The following SLC12A8 variants were observed in gnomAD, a reference collection of about 807,000 sequenced individuals.
SLC12A8 encodes solute carrier family 12 member 8, also known as cation-chloride cotransporter 9.
A neutral mutation model predicts 75.6 loss-of-function variants in SLC12A8; 69 were observed. The ratio of observed to expected loss-of-function variants is 0.91; its 90% confidence interval spans 0.75 to 1.11. The LOEUF is 1.11. SLC12A8 is among the 50% of genes most tolerant of loss of function. The pLI is 0.00. For synonymous variants in SLC12A8, 365 were observed against 372.8 expected (o/e 0.98, Z 0.24); for missense variants, 877 against 896.7 (o/e 0.98, Z 0.28).
chr3:125,138,810 C>T (rs1465946433), intron 5 of SLC12A8, among the ~76,000 whole-genome samples: 1 of 150,876 alleles, frequency 6.6e-6, no homozygotes, highest in Non-Finnish European at 1.5e-5. Flanking sequence ...GTGTTTTAGA[C>T]CAGCCTGGGC....
At chr3:125,110,977 C>A (rs566800310) in intron 8 of SLC12A8, among the ~76,000 whole-genome samples, 1 of 152,192 alleles carries the variant, frequency 6.6e-6, no homozygotes, top group East Asian at 1.9e-4. Context: ...TCTGTTCACA[C>A]GCCCTAATCT....
chr3:125,129,898 C>T (rs1933310387), intron 6 of SLC12A8, among the ~76,000 whole-genome samples: 1 of 152,202 alleles, frequency 6.6e-6, no homozygotes, highest in African/African-American at 2.4e-5. Flanking sequence ...GGCAGCTCTC[C>T]ACAGCAGGGT....
At chr3:125,124,259 G>A (rs1933138720) in intron 6 of SLC12A8, among the ~76,000 whole-genome samples, 1 of 152,218 alleles carries the variant, frequency 6.6e-6, no homozygotes, top group Admixed American at 6.5e-5. Context: ...AGTCTCACGG[G>A]TGATTCCTGC....
chr3:125,178,061 C>A, intron 4 of SLC12A8, 87 bp from the exon 5 acceptor site: 3 of 1,096,076 alleles, frequency 2.7e-6, no homozygotes, highest in Non-Finnish European at 4.1e-6. Flanking sequence ...GAACCCTGCA[C>A]CCCCATCGGA....
intron 5 of SLC12A8, among the ~76,000 whole-genome samples, chr3:125,170,317 A>C (rs529857548): frequency 6.6e-6 from 1 of 152,362 alleles, no homozygotes; most frequent in East Asian, 1.9e-4. Flanking sequence ...AATTAGCTCA[A>C]ACTTTTGTGC....
chr3:125,124,624 C>T (rs1933151157), intron 6 of SLC12A8, among the ~76,000 whole-genome samples: 2 of 152,178 alleles, frequency 1.3e-5, no homozygotes, highest in Admixed American at 6.5e-5. Context: ...CCGTGCCTGG[C>T]CTGCACATTT....
At chr3:125,179,076 T>G (rs1455190724) in intron 4 of SLC12A8, among the ~76,000 whole-genome samples, 1 of 152,190 alleles carries the variant, frequency 6.6e-6, no homozygotes, top group Non-Finnish European at 1.5e-5. Context: ...TGTCCTTCAC[T>G]GCCCCCAGGG....
At chr3:125,196,341 C>T (rs1203161152) in intron 2 of SLC12A8, among the ~76,000 whole-genome samples, 3 of 152,182 alleles carry the variant, frequency 2.0e-5, no homozygotes, top group Non-Finnish European at 2.9e-5. Context: ...ACAAAAATAA[C>T]TGCAATTAAT....
chr3:125,137,683 C>T (rs920292192), intron 5 of SLC12A8, among the ~76,000 whole-genome samples: 12 of 152,356 alleles, frequency 7.9e-5, no homozygotes, highest in African/African-American at 2.9e-4. Context: ...AATATTTGGT[C>T]ACTGGGCCTG....
At chr3:125,104,180 A>C (rs756223799) in intron 10 of SLC12A8, among the ~76,000 whole-genome samples, 1 of 152,054 alleles carries the variant, frequency 6.6e-6, no homozygotes, top group South Asian at 2.1e-4. Context: ...ATCATAGCTC[A>C]TTGTAACTTT....
chr3:125,088,116 G>C (rs1385895367), intron 13 of SLC12A8, 194 bp downstream of exon 13: 2 of 589,744 alleles, frequency 3.4e-6, no homozygotes, highest in Non-Finnish European at 6.2e-6. Context: ...GGAAGCTTCT[G>C]ATGAGCCGAA....
chr3:125,122,534 C>T (rs1201496658), intron 6 of SLC12A8, among the ~76,000 whole-genome samples: 1 of 152,088 alleles, frequency 6.6e-6, no homozygotes, highest in Non-Finnish European at 1.5e-5. Flanking sequence ...GAACATAGAA[C>T]ATAGAAAATG....
chr3:125,157,168 T>G (rs1329038606), intron 5 of SLC12A8, among the ~76,000 whole-genome samples: 1 of 152,160 alleles, frequency 6.6e-6, no homozygotes, highest in African/African-American at 2.4e-5. Context: ...AAATAGCTTT[T>G]AGATATATTT....
intron 10 of SLC12A8, among the ~76,000 whole-genome samples, chr3:125,097,210 C>T (rs917945460): frequency 4.4e-5 from 6 of 136,018 alleles, no homozygotes; most frequent in Non-Finnish European, 8.2e-5. Context: ...CATGGTGAAA[C>T]CCCGTCTCTA....
At chr3:125,129,704 A>G (rs489699) in intron 6 of SLC12A8, among the ~76,000 whole-genome samples, 152,135 of 152,328 alleles carry the variant, frequency 1, 75,971 homozygotes, top group Middle Eastern at 1. Context: ...GTTGGAGGGA[A>G]CCCCAGCCAT....
intron 9 of SLC12A8, among the ~76,000 whole-genome samples, chr3:125,109,366 A>C (rs911872084): frequency 6.6e-6 from 1 of 152,194 alleles, no homozygotes; most frequent in African/African-American, 2.4e-5. Context: ...CTGCCTACTC[A>C]ACATTTCCAG....
At chr3:125,174,137 C>CA (rs1466511260) in intron 5 of SLC12A8, among the ~76,000 whole-genome samples, 1 of 150,572 alleles carries the variant, frequency 6.6e-6, no homozygotes, top group South Asian at 2.1e-4. Context: ...AACAAACAAA[C>CA]AAAAAAACAC....
intron 7 of SLC12A8, among the ~76,000 whole-genome samples, chr3:125,119,673 T>C (rs887660584): frequency 1.3e-5 from 2 of 152,274 alleles, no homozygotes; most frequent in African/African-American, 4.8e-5. Context: ...CCAATGTTAT[T>C]GCACAAAATA....
chr3:125,098,554 CCACA>C (rs3222429), intron 10 of SLC12A8, among the ~76,000 whole-genome samples: 11,949 of 143,836 alleles, frequency 0.083, 520 homozygotes, highest in Middle Eastern at 0.11. Flanking sequence ...TGAATCTTCT[CCACA>C]CACACACACA....
Sources: allele counts gnomAD v4.1 joint callset (sites outside exome capture counted in the v4.1 genomes callset), GRCh38; gene constraint gnomAD v4.1.1; transcripts MANE v1.5; gene names NCBI Gene and HGNC (gene_info 2026-07-23, HGNC 2026-07-21).